Variants in ERGIC1 observed in about 807,000 individuals in gnomAD.
The protein encoded by ERGIC1 is endoplasmic reticulum-Golgi intermediate compartment protein 1.
ERGIC1 carries 19 observed loss-of-function variants against 38.3 expected under a neutral mutation model. The ratio of observed to expected loss-of-function variants is 0.50; its 90% CI spans 0.35 to 0.73. ERGIC1 has a LOEUF of 0.73. Among genes scored for constraint, ERGIC1 ranks in the 30% least tolerant of loss-of-function variants. The pLI is 0.01. For missense variants in ERGIC1, 294 were observed against 389.2 expected (o/e 0.76, Z 2.06); for synonymous variants, 124 against 157.6 (o/e 0.79, Z 1.60).
chr5:172,874,279 C>T (rs1762089632), intron 1 of ERGIC1, among the ~76,000 whole-genome samples: 1 of 151,946 alleles, frequency 6.6e-6, no homozygotes, highest in African/African-American at 2.4e-5. Context: ...CGGGGTTTTA[C>T]CGTGTTGGCC....
At position 172,926,370 on chromosome 5, in the gene ERGIC1, C is replaced by A; in HGVS notation, c.481-139C>A. On this transcript the variant is annotated intron_variant, in intron 6 of 9. Coordinates refer to ENST00000393784, the MANE Select transcript of ERGIC1 (RefSeq NM_001031711.3). The surrounding 1 kb of genome is among the most constrained non-coding windows in gnomAD (Gnocchi z 5.2). ...CCAGGCCCCTGCTGCCTCTTGCTCC[C>A]CACAAATCCGCTGGAGCCCCCTTTT... 1.2e-6 allele frequency: 1 copy of A among 846,006 alleles called. No individual in the cohort carries two copies. The highest frequency in any genetic ancestry group is 1.9e-6 in the Non-Finnish European group (1 of 527,316). The allele number at this position is 846,006 out of a possible 1,614,324, so 52.4% of individuals were successfully genotyped here.
At chr5:172,849,591 T>G (rs1761353775) in intron 1 of ERGIC1, among the ~76,000 whole-genome samples, 1 of 152,106 alleles carries the variant, frequency 6.6e-6, no homozygotes, top group Non-Finnish European at 1.5e-5. Context: ...GCTGAGGCTT[T>G]GGGGGGTTGA....
intron 2 of ERGIC1, among the ~76,000 whole-genome samples, chr5:172,892,867 C>T (rs1347189758): frequency 1.3e-5 from 2 of 152,178 alleles, no homozygotes; most frequent in African/African-American, 4.8e-5. Context: ...GGGTAACACA[C>T]GCCATGAATG....
In ERGIC1 at chr5:172,892,060, ATGTTTTTT is replaced by A. The variant is rs1251774105; in HGVS notation, c.82+3302_82+3309del. Among the ~76,000 whole-genome samples, 50 of 125,580 alleles carry A rather than the reference ATGTTTTTT, an allele frequency of 4.0e-4. 1 individual carries two copies. The highest frequency in any genetic ancestry group is 3.9e-4 in the Non-Finnish European group (24 of 61,412). The allele number at this position is 125,580 out of a possible 152,430, so 82.4% of individuals were successfully genotyped here. ...AAGAGGAATTACTGGGTTAAAGAGTATGTTTTTTTTTTTTTTTTTTTTTTTTGAAACTT... is the reference window on the plus strand; with the variant it reads ...AAGAGGAATTACTGGGTTAAAGAGTATTTTTTTTTTTTTTTTTTGAAACTT... On this transcript the variant is annotated intron_variant, in intron 2 of 9. Transcript: ENST00000393784.
intron 9 of ERGIC1, among the ~76,000 whole-genome samples, chr5:172,946,692 A>C (rs994872741): frequency 6.6e-6 from 1 of 152,106 alleles, no homozygotes; most frequent in Non-Finnish European, 1.5e-5. Context: ...GAATCTTTCC[A>C]TATGTCAGAA....
chr5:172,943,457 C>T (rs1367575428), intron 9 of ERGIC1, among the ~76,000 whole-genome samples: 5 of 152,020 alleles, frequency 3.3e-5, no homozygotes, highest in Admixed American at 6.6e-5. Flanking sequence ...GCCTGTCTGC[C>T]GCTGCTGGAG....
At chr5:172,862,838 C>T (rs1761752030) in intron 1 of ERGIC1, among the ~76,000 whole-genome samples, 2 of 152,196 alleles carry the variant, frequency 1.3e-5, no homozygotes, top group Non-Finnish European at 2.9e-5. Context: ...AAACAATTTA[C>T]CTTCTCTCTA....
intron 1 of ERGIC1, among the ~76,000 whole-genome samples, chr5:172,884,284 C>T (rs1389272371): frequency 7.0e-6 from 1 of 142,802 alleles, no homozygotes; most frequent in African/African-American, 2.6e-5. Context: ...GACAGGGCCT[C>T]ACCCTGTAGC....
intron 1 of ERGIC1, among the ~76,000 whole-genome samples, chr5:172,885,352 G>T (rs1269976767): frequency 6.6e-6 from 1 of 150,404 alleles, no homozygotes; most frequent in East Asian, 2.0e-4. Context: ...CAGGCTGGTC[G>T]CAAACTCCTA....
chr5:172,915,035 C>T (rs1476658771), intron 5 of ERGIC1, 197 bp downstream of exon 5: 21 of 818,930 alleles, frequency 2.6e-5, no homozygotes, highest in Non-Finnish European at 4.4e-5. Context: ...GGTTTTAAGC[C>T]CCTGATGGCT....
intron 1 of ERGIC1, among the ~76,000 whole-genome samples, chr5:172,858,732 C>T (rs973234440): frequency 6.6e-6 from 1 of 152,180 alleles, no homozygotes; most frequent in African/African-American, 2.4e-5. Flanking sequence ...ACCTTACCAG[C>T]CCCCCGCTGG....
At chr5:172,892,481 G>A (rs1762592757) in intron 2 of ERGIC1, among the ~76,000 whole-genome samples, 2 of 152,132 alleles carry the variant, frequency 1.3e-5, no homozygotes, top group Non-Finnish European at 2.9e-5. Flanking sequence ...TGTGACCTTG[G>A]ACAAATTCCT....
intron 4 of ERGIC1, 187 bp from the exon 5 acceptor site, chr5:172,914,527 C>T: frequency 4.3e-6 from 4 of 928,668 alleles, no homozygotes; most frequent in Non-Finnish European, 6.7e-6. Context: ...GCCCCCCTCG[C>T]CTCACGTTTA....
chr5:172,922,990 CAG>C (rs916136295), intron 5 of ERGIC1, among the ~76,000 whole-genome samples: 2 of 152,090 alleles, frequency 1.3e-5, no homozygotes, highest in Non-Finnish European at 2.9e-5. Context: ...GTGGAGCTAA[CAG>C]GGTTTCAGCT....
intron 3 of ERGIC1, among the ~76,000 whole-genome samples, chr5:172,904,703 A>G (rs960397559): frequency 5.3e-5 from 8 of 152,224 alleles, no homozygotes; most frequent in Non-Finnish European, 8.8e-5. Context: ...GGCCCCTGCC[A>G]TGGGGTGGTT....
intron 5 of ERGIC1, among the ~76,000 whole-genome samples, chr5:172,919,818 C>G (rs1183566014): frequency 6.6e-6 from 1 of 152,164 alleles, no homozygotes; most frequent in African/African-American, 2.4e-5. Flanking sequence ...GGAGGGCGTC[C>G]AAGAAATGGG....
intron 1 of ERGIC1, among the ~76,000 whole-genome samples, chr5:172,886,221 T>A (rs571142219): frequency 1.3e-5 from 2 of 152,262 alleles, no homozygotes; most frequent in East Asian, 3.9e-4. Context: ...CTCCTCTCCC[T>A]GCACATCGGG....
Position 172,866,622 on chromosome 5 carries a change from T to C in ERGIC1, c.21-22077T>C, listed in dbSNP as rs149844140. ...ACCCCCTCTGAGCAAGCCAGCGAAG[T>C]GAGCACTATTTGACAGCCTGAGAAA... On this transcript the variant is annotated intron_variant, in intron 1 of 9. Coordinates refer to ENST00000393784, the MANE Select transcript of ERGIC1 (RefSeq NM_001031711.3). Among the ~76,000 whole-genome samples the C allele has an allele frequency of 3.0e-3, 454 of 152,326 alleles. 1 individual carries two copies. Among genetic ancestry groups the C allele is most frequent in the African/African-American group, 0.011 (441 of 41,574 alleles).
intron 1 of ERGIC1, among the ~76,000 whole-genome samples, chr5:172,839,836 C>T (rs747390575): frequency 1.4e-4 from 22 of 152,246 alleles, no homozygotes; most frequent in African/African-American, 4.8e-4. Flanking sequence ...CCACAGAGTT[C>T]GGAAACACGG....
Sources: gnomAD v4.1 joint callset for allele counts (sites outside exome capture counted in the v4.1 genomes callset) on GRCh38, gnomAD v4.1.1 for gene constraint, Gnocchi (gnomAD v3.1) non-coding constraint, MANE v1.5 for transcripts, NCBI Gene and HGNC (gene_info 2026-07-23, HGNC 2026-07-21) for gene names.